The following SPMIP2 variants were observed in gnomAD, a reference collection of about 807,000 sequenced individuals.
SPMIP2 encodes sperm microtubule inner protein 2, also known as protein SPMIP2.
At chr4:159,047,939 G>A in the SPMIP2 span, among the ~76,000 whole-genome samples, 1 of 152,200 alleles carries the variant, frequency 6.6e-6, no homozygotes, top group African/African-American at 2.4e-5. Flanking sequence ...GTAACAGAAT[G>A]GCATGTAATA....
the SPMIP2 span, among the ~76,000 whole-genome samples, chr4:158,921,669 T>G: frequency 8.5e-4 from 130 of 152,182 alleles, 1 homozygote; most frequent in African/African-American, 3.0e-3. Context: ...AATTACCCAG[T>G]CTCAGATATA....
chr4:159,035,601 C>G, the SPMIP2 span, among the ~76,000 whole-genome samples: 1 of 152,198 alleles, frequency 6.6e-6, no homozygotes, highest in South Asian at 2.1e-4. Context: ...TAATTACACA[C>G]ACACAAATAT....
chr4:158,962,046 A>G, the SPMIP2 span, among the ~76,000 whole-genome samples: 5 of 152,158 alleles, frequency 3.3e-5, no homozygotes, highest in Admixed American at 2.6e-4. Flanking sequence ...TACAACTCCA[A>G]TTTGGATATT....
chr4:159,051,352 C>G, the SPMIP2 span, among the ~76,000 whole-genome samples: 2 of 152,108 alleles, frequency 1.3e-5, no homozygotes, highest in Non-Finnish European at 2.9e-5. Context: ...GGAGCTTCGT[C>G]CTTCTTGAAA....
the SPMIP2 span, among the ~76,000 whole-genome samples, chr4:158,950,378 C>T: frequency 6.6e-6 from 1 of 152,194 alleles, no homozygotes; most frequent in Non-Finnish European, 1.5e-5. Context: ...ATCACTTGAA[C>T]TCATTCAGCT....
the SPMIP2 span, among the ~76,000 whole-genome samples, chr4:158,987,695 G>T: frequency 6.6e-6 from 1 of 151,868 alleles, no homozygotes; most frequent in East Asian, 1.9e-4. Flanking sequence ...CGAGTTAATG[G>T]GTGCAGCACA....
At chr4:158,960,392 T>G in the SPMIP2 span, 1 of 1,143,294 alleles carries the variant, frequency 8.7e-7, no homozygotes, top group Non-Finnish European at 1.3e-6. Flanking sequence ...AGTAAAGAGG[T>G]GGCCGGTCTA....
chr4:158,986,658 G>T, the SPMIP2 span, among the ~76,000 whole-genome samples: 10 of 152,072 alleles, frequency 6.6e-5, no homozygotes, highest in Non-Finnish European at 1.2e-4. Context: ...TTAAATATTA[G>T]ACCTAAAACC....
At chr4:158,961,107 A>G in the SPMIP2 span, among the ~76,000 whole-genome samples, 1 of 152,164 alleles carries the variant, frequency 6.6e-6, no homozygotes, top group Non-Finnish European at 1.5e-5. Context: ...ATAAATTATC[A>G]AAAAGTATTT....
chr4:158,987,663 A>G, the SPMIP2 span, among the ~76,000 whole-genome samples: 1 of 152,118 alleles, frequency 6.6e-6, no homozygotes, highest in South Asian at 2.1e-4. Context: ...TAGCATTAGG[A>G]GCTATACCTA....
At chr4:159,046,071 G>A in the SPMIP2 span, among the ~76,000 whole-genome samples, 2 of 152,036 alleles carry the variant, frequency 1.3e-5, no homozygotes, top group East Asian at 1.9e-4. Context: ...GCAACATGGC[G>A]AAACTCTGTC....
the SPMIP2 span, among the ~76,000 whole-genome samples, chr4:159,068,330 G>A: frequency 1.7e-4 from 26 of 152,274 alleles, no homozygotes; most frequent in South Asian, 2.1e-4. Context: ...CTATGCAGCC[G>A]TAAAAAATGA....
the SPMIP2 span, among the ~76,000 whole-genome samples, chr4:158,996,316 C>T: frequency 5.9e-5 from 9 of 152,300 alleles, no homozygotes; most frequent in South Asian, 1.9e-3. Flanking sequence ...ATATTCATCT[C>T]TCCTGAAAGG....
chr4:159,067,033 C>T, the SPMIP2 span, among the ~76,000 whole-genome samples: 1 of 152,138 alleles, frequency 6.6e-6, no homozygotes, highest in Non-Finnish European at 1.5e-5. Context: ...AAAAATTGGT[C>T]TTTCACATAT....
chr4:159,076,660 C>A, the SPMIP2 span, among the ~76,000 whole-genome samples: 16 of 151,806 alleles, frequency 1.1e-4, no homozygotes, highest in African/African-American at 3.9e-4. Flanking sequence ...ACAATTTTTT[C>A]CTTCTTTTCT....
chr4:158,902,124 T>A, the SPMIP2 span, among the ~76,000 whole-genome samples: 1 of 152,126 alleles, frequency 6.6e-6, no homozygotes, highest in Non-Finnish European at 1.5e-5. Context: ...CTTCATGGAT[T>A]TATCTACCTT....
the SPMIP2 span, among the ~76,000 whole-genome samples, chr4:158,912,832 T>G: frequency 6.6e-6 from 1 of 152,226 alleles, no homozygotes; most frequent in Non-Finnish European, 1.5e-5. Context: ...TTATTTTGAA[T>G]GATTCAGTAT....
chr4:159,038,210 A>T, the SPMIP2 span, among the ~76,000 whole-genome samples: 1 of 152,196 alleles, frequency 6.6e-6, no homozygotes, highest in Non-Finnish European at 1.5e-5. Context: ...AATTTTGCTC[A>T]ATGTTGCTAA....
the SPMIP2 span, chr4:159,007,389 G>C: frequency 1.5e-6 from 1 of 674,040 alleles, no homozygotes; most frequent in East Asian, 3.4e-5. Flanking sequence ...GTCCCTAAGA[G>C]TGGATTTCTC....
Sources: gnomAD v4.1 joint callset for allele counts (sites outside exome capture counted in the v4.1 genomes callset) on GRCh38, gnomAD v4.1.1 for gene constraint, MANE v1.5 for transcripts, NCBI Gene and HGNC (gene_info 2026-07-23, HGNC 2026-07-21) for gene names.